PDE9A: variants seen among roughly 807,000 people sequenced by gnomAD.
PDE9A encodes the protein high affinity cGMP-specific 3',5'-cyclic phosphodiesterase 9A.
A neutral mutation model predicts 87.4 loss-of-function variants in PDE9A; 60 were observed. The ratio of observed to expected loss-of-function variants is 0.69; its 90% CI spans 0.56 to 0.85. The LOEUF is 0.85. Among genes scored for constraint, PDE9A ranks in the 40% least tolerant of loss-of-function variants. PDE9A has a pLI of 0.00. For missense variants in PDE9A, 665 were observed against 779.0 expected (o/e 0.85, Z 1.74); for synonymous variants, 272 against 279.4 (o/e 0.97, Z 0.27).
chr21:42,767,569 C>G (rs543834913), intron 15 of PDE9A, among the ~76,000 whole-genome samples: 66 of 152,330 alleles, frequency 4.3e-4, no homozygotes, highest in African/African-American at 1.5e-3. Context: ...GTCACGTTCC[C>G]CAAACCAGCA....
chr21:42,757,753 T>G (rs2055232624), intron 10 of PDE9A: 2 of 152,224 alleles, frequency 1.3e-5, no homozygotes, highest in Admixed American at 6.5e-5. Flanking sequence ...TGGGTCCTCA[T>G]GTGGCCTGTT....
Position 42,739,798 on chromosome 21 carries a change from A to G in PDE9A, c.569-3978A>G, listed in dbSNP as rs2052908373. Among the ~76,000 whole-genome samples the G allele has an allele frequency of 6.6e-6, 1 of 152,190 alleles. No individual in the cohort carries two copies. The highest frequency in any genetic ancestry group is 1.9e-4 in the East Asian group (1 of 5,194). ...GCTTAAAACAGAGCCTTGTATGGAC[A>G]TGGGAAAAAAATTATAGGTTTGTTG... On this transcript the variant is annotated intron_variant, in intron 7 of 19. Transcript: ENST00000291539. This position sits in a 1 kb window ranked among gnomAD's most constrained non-coding sequence, Gnocchi z 4.1.
At chr21:42,750,320 G>T (rs2054281609) in intron 8 of PDE9A, among the ~76,000 whole-genome samples, 1 of 152,106 alleles carries the variant, frequency 6.6e-6, no homozygotes, top group Admixed American at 6.5e-5. Flanking sequence ...TTAAAATATT[G>T]TTAAAAGGTA....
Position 42,775,428 on chromosome 21 carries a change from A to G in PDE9A, c.*135A>G, listed in dbSNP as rs1453425510. The G allele has an allele frequency of 6.8e-5, 12 of 176,326 alleles. No individual in the cohort carries two copies. The highest frequency in any genetic ancestry group is 1.1e-4 in the Non-Finnish European group (10 of 88,776). 10.9% of individuals were successfully genotyped at this position (176,326 alleles called of 1,614,324 possible). ...TAAGAACCATTTTGTTCACTGATAC[A>G]AAAAAAAAAAAAGGAATTCATGATG... is the stretch of plus-strand genomic sequence containing the variant. On this transcript the variant is annotated 3_prime_UTR_variant, in exon 20 of 20. Transcript: ENST00000291539.
intron 1 of PDE9A, among the ~76,000 whole-genome samples, chr21:42,670,576 C>G (rs377243035): frequency 3.2e-4 from 48 of 151,540 alleles, no homozygotes; most frequent in African/African-American, 1.2e-3. Flanking sequence ...ATACACACAC[C>G]ACATACACGC....
chr21:42,772,626 A>T lies in PDE9A; in HGVS notation c.1768+106A>T, dbSNP rs551643250. ...AAATCTGAATTTTGGAATACCTTTAAATGAATGGAACTTTTTTTTTTTTTG... is the reference window on the plus strand; with the variant it reads ...AAATCTGAATTTTGGAATACCTTTATATGAATGGAACTTTTTTTTTTTTTG... On this transcript the variant is annotated intron_variant, in intron 19 of 19. Coordinates refer to ENST00000291539, the MANE Select transcript of PDE9A (RefSeq NM_002606.3). The T allele has an allele frequency of 1.1e-4, 91 of 801,470 alleles. 1 individual carries two copies. The South Asian group carries it at 1.4e-3, about 12-fold the overall frequency. The allele number at this position is 801,470 out of a possible 1,614,324, so 49.6% of individuals were successfully genotyped here. A position where few individuals can be genotyped will look rare whatever the true frequency, so the allele number is the denominator to read the frequency against.
intron 9 of PDE9A, 60 bp downstream of exon 9, chr21:42,751,257 C>G: frequency 4.9e-6 from 6 of 1,220,772 alleles, no homozygotes; most frequent in South Asian, 1.2e-5. Context: ...CACGCCCAGC[C>G]CTGTGGCCCT....
chr21:42,697,515 A>G lies in PDE9A; in HGVS notation c.219-1453A>G, dbSNP rs751302166. ...GGTGAATACTTGCATGTTTGTCTTC[A>G]TCTTCTTAACAACTACCTGACACTG... On this transcript the variant is annotated intron_variant, in intron 3 of 19. Transcript: ENST00000291539. The G allele has an allele frequency of 2.1e-5, 31 of 1,442,726 alleles. No individual in the cohort carries two copies. In the East Asian group the frequency reaches 5.9e-4, roughly 27 times the overall value. 89.4% of individuals were successfully genotyped at this position (1,442,726 alleles called of 1,614,324 possible).
intron 1 of PDE9A, among the ~76,000 whole-genome samples, chr21:42,668,592 T>TTCAGTC (rs537231269): frequency 0.011 from 1,702 of 152,266 alleles, 19 homozygotes; most frequent in Non-Finnish European, 0.017. Context: ...TCCCCTGTGA[T>TTCAGTC]CCATTATTTA....
At position 42,695,557 on chromosome 21, in the gene PDE9A, G is replaced by C. The variant is rs1201554753; in HGVS notation, c.219-3411G>C. On this transcript the variant is annotated intron_variant, in intron 3 of 19. Coordinates refer to ENST00000291539, the MANE Select transcript of PDE9A (RefSeq NM_002606.3). The surrounding 1 kb of genome is among the most constrained non-coding windows in gnomAD (Gnocchi z 4.3). ...TCCTTTTGTTCCCGGTTTCGGCCAA[G>C]TTGTGCCGCAGGTGACTCTCCACCG... Among the ~76,000 whole-genome samples, 1 of 152,248 alleles carries C rather than the reference G, an allele frequency of 6.6e-6. No homozygotes were observed. Among genetic ancestry groups the C allele is most frequent in the Non-Finnish European group, 1.5e-5 (1 of 68,050 alleles).
intron 4 of PDE9A, among the ~76,000 whole-genome samples, chr21:42,727,778 G>A (rs1282780407): frequency 6.6e-6 from 1 of 151,930 alleles, no homozygotes; most frequent in Admixed American, 6.6e-5. Context: ...TTTTTTTGTT[G>A]TTGTTGTTTG....
chr21:42,746,263 C>T (rs543543709), intron 8 of PDE9A, among the ~76,000 whole-genome samples: 1 of 152,274 alleles, frequency 6.6e-6, no homozygotes, highest in East Asian at 1.9e-4. Flanking sequence ...TTATTTTTAT[C>T]GAAGTTGTAG....
Position 42,722,869 on chromosome 21 carries a change from A to T in PDE9A, c.263-8901A>T, listed in dbSNP as rs1029332. ...GAAATCAAATTTCATGTCATTCTGC[A>T]CTGGGTAGACTCAGGATTTGCCTGA... is the stretch of plus-strand genomic sequence containing the variant. On this transcript the variant is annotated intron_variant, in intron 4 of 19. Coordinates refer to ENST00000291539, the MANE Select transcript of PDE9A (RefSeq NM_002606.3). The surrounding 1 kb of genome is among the most constrained non-coding windows in gnomAD (Gnocchi z 4.1). Among the ~76,000 whole-genome samples, 1 of 152,146 alleles carries T rather than the reference A, an allele frequency of 6.6e-6. No homozygotes were observed. The highest frequency in any genetic ancestry group is 2.1e-4 in the South Asian group (1 of 4,832).
chr21:42,727,657 G>T (rs746303565), intron 4 of PDE9A, among the ~76,000 whole-genome samples: 1 of 151,924 alleles, frequency 6.6e-6, no homozygotes, highest in African/African-American at 2.4e-5. Flanking sequence ...TAATTTCAGT[G>T]TCTACATGAT....
intron 4 of PDE9A, among the ~76,000 whole-genome samples, chr21:42,730,294 A>T (rs1328358447): frequency 6.6e-6 from 1 of 152,228 alleles, no homozygotes; most frequent in Non-Finnish European, 1.5e-5. Flanking sequence ...ACCTTCAAGA[A>T]ATATAACAAA....
Position 42,687,969 on chromosome 21 carries a change from C to T in PDE9A, c.193C>T (p.Pro65Ser), listed in dbSNP as rs778717630. The T allele has an allele frequency of 5.6e-5, 91 of 1,612,982 alleles. No homozygotes were observed. The highest frequency in any genetic ancestry group is 1.0e-4 in the Admixed American group (6 of 59,996). Residue 65 changes from proline to serine, a missense_variant, in exon 3 of 20, where the codon CCC becomes TCC. By Grantham distance (74) the Pro-to-Ser change is moderately conservative. Transcript: ENST00000291539. ...CGACGACGCCATGGTCTCCATCGACCCCACCATGCCCGCGAATTCAGAACG... is the reference window on the plus strand; with the variant it reads ...CGACGACGCCATGGTCTCCATCGACTCCACCATGCCCGCGAATTCAGAACG... The part of the protein sequence containing the change: ...TTDDAMVSID[P>S]TMPANSERTP...
In PDE9A at chr21:42,675,746, C is replaced by T. The variant is rs1424669907; in HGVS notation, c.70-10446C>T. Among the ~76,000 whole-genome samples, 1 of 152,218 alleles carries T rather than the reference C, an allele frequency of 6.6e-6. No individual in the cohort carries two copies. Among genetic ancestry groups the T allele is most frequent in the East Asian group, 1.9e-4 (1 of 5,198 alleles). On this transcript the variant is annotated intron_variant, in intron 1 of 19. Transcript: ENST00000291539. This position sits in a 1 kb window ranked among gnomAD's most constrained non-coding sequence, Gnocchi z 4.3. ...CTCCACCCAGTCTCCCCTACTGGGACTGTCGTGCAAAATTATGGCCCAGTC... is the reference window on the plus strand; with the variant it reads ...CTCCACCCAGTCTCCCCTACTGGGATTGTCGTGCAAAATTATGGCCCAGTC...
At chr21:42,663,042 CACAT>C (rs1183086624) in intron 1 of PDE9A, among the ~76,000 whole-genome samples, 2 of 144,152 alleles carry the variant, frequency 1.4e-5, no homozygotes, top group Non-Finnish European at 3.0e-5. Context: ...ACATGCACAT[CACAT>C]ACATGCACAC....
intron 4 of PDE9A, among the ~76,000 whole-genome samples, chr21:42,729,486 G>A (rs539465849): frequency 3.4e-4 from 51 of 152,006 alleles, no homozygotes; most frequent in African/African-American, 9.2e-4. Flanking sequence ...TTCTGTTACC[G>A]GGATTTCTAT....
Sources: allele counts gnomAD v4.1 joint callset (sites outside exome capture counted in the v4.1 genomes callset), GRCh38; gene constraint gnomAD v4.1.1; non-coding constraint Gnocchi (gnomAD v3.1); transcripts MANE v1.5; gene names NCBI Gene and HGNC (gene_info 2026-07-23, HGNC 2026-07-21).